The following PDE10A variants were observed in gnomAD, a reference collection of about 807,000 sequenced individuals.
PDE10A encodes cAMP and cAMP-inhibited cGMP 3',5'-cyclic phosphodiesterase 10A.
In PDE10A, 39 loss-of-function variants were observed where a neutral mutation model predicts 97.7. The observed-to-expected ratio is 0.40, with a 90% CI of 0.31 to 0.52. The LOEUF is 0.52. Among genes scored for constraint, PDE10A ranks in the 20% least tolerant of loss-of-function variants. PDE10A has a pLI of 0.56. For missense variants in PDE10A, 731 were observed against 1,047.8 expected (o/e 0.70, Z 4.17); for synonymous variants, 371 against 376.8 (o/e 0.98, Z 0.18).
intron 17 of PDE10A, among the ~76,000 whole-genome samples, chr6:165,383,427 G>A (rs73030201): frequency 0.033 from 5,031 of 152,242 alleles, 118 homozygotes; most frequent in Middle Eastern, 0.058. Flanking sequence ...GTTCTTGGAT[G>A]TGACTGTCCA....
intron 2 of PDE10A, among the ~76,000 whole-genome samples, chr6:165,506,104 A>G (rs984373985): frequency 2.0e-5 from 3 of 152,118 alleles, no homozygotes; most frequent in Admixed American, 1.3e-4. Context: ...CCATAACAAC[A>G]TAACTATATA....
chr6:165,605,148 T>G (rs1787147713), intron 1 of PDE10A, among the ~76,000 whole-genome samples: 1 of 152,120 alleles, frequency 6.6e-6, no homozygotes, highest in South Asian at 2.1e-4. Flanking sequence ...ATTTAAGCCT[T>G]CATCATCTCT....
intron 1 of PDE10A, among the ~76,000 whole-genome samples, chr6:165,763,239 G>C (rs895845713): frequency 3.2e-4 from 48 of 152,126 alleles, no homozygotes; most frequent in Non-Finnish European, 1.0e-4. Flanking sequence ...TGCTCGCCTC[G>C]TTTTCTCCTT....
chr6:165,900,271 A>G (rs986202700), intron 1 of PDE10A, among the ~76,000 whole-genome samples: 6 of 152,176 alleles, frequency 3.9e-5, no homozygotes, highest in Non-Finnish European at 5.9e-5. Flanking sequence ...CAGGAGTTCA[A>G]GACTATCCTA....
intron 1 of PDE10A, among the ~76,000 whole-genome samples, chr6:165,603,189 T>C (rs920584828): frequency 6.6e-6 from 1 of 152,198 alleles, no homozygotes. Context: ...TGAGTAAACG[T>C]ACAATAGGGG....
At chr6:165,601,677 G>A (rs891716846) in intron 1 of PDE10A, among the ~76,000 whole-genome samples, 32 of 152,258 alleles carry the variant, frequency 2.1e-4, no homozygotes, top group Admixed American at 1.6e-3. Flanking sequence ...AGTGTTTCTC[G>A]AAATTCACAT....
At chr6:165,366,948 T>C (rs928410150) in intron 18 of PDE10A, among the ~76,000 whole-genome samples, 1 of 152,012 alleles carries the variant, frequency 6.6e-6, no homozygotes, top group Non-Finnish European at 1.5e-5. Flanking sequence ...TTATGTAATA[T>C]ACAAATATAA....
At chr6:165,602,542 T>A (rs1476259805) in intron 1 of PDE10A, among the ~76,000 whole-genome samples, 1 of 152,184 alleles carries the variant, frequency 6.6e-6, no homozygotes, top group Non-Finnish European at 1.5e-5. Flanking sequence ...ATGAAGCAGA[T>A]ATACCATGAA....
At chr6:165,919,733 A>G (rs947739952) in intron 1 of PDE10A, among the ~76,000 whole-genome samples, 5 of 152,178 alleles carry the variant, frequency 3.3e-5, no homozygotes, top group African/African-American at 1.2e-4. Flanking sequence ...ATTCTAACTT[A>G]TCTTTCGCAG....
At position 165,934,979 on chromosome 6, in the gene PDE10A, G is replaced by T. The variant is rs188883387; in HGVS notation, c.-615+52550C>A. On this transcript the variant is annotated intron_variant, in intron 1 of 19. Transcript: ENST00000366882. ...GTGTGAAAAAAATAGCAAATTTGGG[G>T]CTCAAAAAGATTCCTAAGTGTTAGG... 8.5e-4 allele frequency among the ~76,000 whole-genome samples: 129 copies of T among 152,264 alleles called. 3 individuals are homozygous for T. The South Asian group carries it at 0.011, about 12-fold the overall frequency.
Position 165,633,794 on chromosome 6 carries a change from A to ATTT in PDE10A, c.865+28150_865+28152dup, listed in dbSNP as rs11459316. Among the ~76,000 whole-genome samples the ATTT allele has an allele frequency of 5.2e-4, 76 of 146,802 alleles. 1 individual carries two copies. Among genetic ancestry groups the ATTT allele is most frequent in the African/African-American group, 1.4e-3 (57 of 39,864 alleles). On this transcript the variant is annotated intron_variant, in intron 1 of 21. Transcript: ENST00000539869. Reference sequence around the variant, plus strand: ...AGGTGTGCACCACCACGCCGGGCTAATTTTTTTTTTTTTCGTATTTTTATA... The same window carrying ATTT: ...AGGTGTGCACCACCACGCCGGGCTAATTTTTTTTTTTTTTTTCGTATTTTTATA...
chr6:165,446,565 G>T (rs1349256033), intron 5 of PDE10A, among the ~76,000 whole-genome samples: 2 of 152,130 alleles, frequency 1.3e-5, no homozygotes, highest in African/African-American at 4.8e-5. Context: ...GGCAGATAAG[G>T]TATCTGTCTT....
intron 1 of PDE10A, among the ~76,000 whole-genome samples, chr6:165,673,919 ATTAGT>A (rs1790719177): frequency 6.6e-6 from 1 of 152,220 alleles, no homozygotes; most frequent in Non-Finnish European, 1.5e-5. Flanking sequence ...CAGCCACATT[ATTAGT>A]TTAGTTGAGT....
At chr6:165,731,593 G>A (rs971283168) in intron 1 of PDE10A, among the ~76,000 whole-genome samples, 2 of 152,178 alleles carry the variant, frequency 1.3e-5, no homozygotes, top group Non-Finnish European at 2.9e-5. Context: ...CTGCGGAGCC[G>A]TTACACATTC....
At chr6:165,770,714 A>G (rs777452738) in intron 1 of PDE10A, among the ~76,000 whole-genome samples, 2 of 152,146 alleles carry the variant, frequency 1.3e-5, no homozygotes, top group African/African-American at 2.4e-5. Context: ...TGCTCTAAAA[A>G]CGGGCATTAA....
intron 1 of PDE10A, among the ~76,000 whole-genome samples, chr6:165,606,369 T>C (rs1381173593): frequency 6.6e-6 from 1 of 152,132 alleles, no homozygotes; most frequent in Non-Finnish European, 1.5e-5. Flanking sequence ...TCACTCACTG[T>C]CCACATGCAT....
At chr6:165,925,173 C>A (rs1294939306) in intron 1 of PDE10A, among the ~76,000 whole-genome samples, 7 of 152,150 alleles carry the variant, frequency 4.6e-5, no homozygotes, top group Non-Finnish European at 8.8e-5. Flanking sequence ...TTAGAAAATG[C>A]AGATTAAAGC....
At chr6:165,973,651 G>T (rs1291665299) in intron 1 of PDE10A, among the ~76,000 whole-genome samples, 1 of 152,164 alleles carries the variant, frequency 6.6e-6, no homozygotes, top group African/African-American at 2.4e-5. Context: ...AGAGGCCCCA[G>T]GGAAGAGGCA....
At chr6:165,394,133 A>G (rs973319762) in intron 15 of PDE10A, among the ~76,000 whole-genome samples, 25 of 152,100 alleles carry the variant, frequency 1.6e-4, no homozygotes, top group Admixed American at 1.6e-3. Flanking sequence ...TTTGTTACAT[A>G]GGTATACACG....
Sources: gnomAD v4.1 joint callset for allele counts (sites outside exome capture counted in the v4.1 genomes callset) on GRCh38, gnomAD v4.1.1 for gene constraint, MANE v1.5 for transcripts, NCBI Gene and HGNC (gene_info 2026-07-23, HGNC 2026-07-21) for gene names.